TRDN: variants seen among roughly 807,000 people sequenced by gnomAD.
TRDN encodes triadin in skeletal muscle.
TRDN carries 161 observed loss-of-function variants against 149.7 expected under a neutral mutation model. That is an observed-to-expected ratio of 1.08 (90% CI 0.95 to 1.23). The LOEUF (loss-of-function observed/expected upper bound fraction) is 1.23. Ranked by LOEUF, TRDN falls within the 50% of genes most tolerant of loss-of-function variation. The probability of loss-of-function intolerance (pLI) is 0.00; values close to 1 mark genes in which losing one functional copy is unlikely to be tolerated. For missense variants in TRDN, 896 were observed against 823.5 expected (o/e 1.09, Z -1.08); for synonymous variants, 294 against 250.5 (o/e 1.17, Z -1.64).
At chr6:123,614,927 A>G (rs934147008) in intron 1 of TRDN, among the ~76,000 whole-genome samples, 1 of 152,202 alleles carries the variant, frequency 6.6e-6, no homozygotes, top group African/African-American at 2.4e-5. Context: ...TCCAGAATAT[A>G]CAAGAAACTC....
intron 21 of TRDN, among the ~76,000 whole-genome samples, chr6:123,338,195 T>G (rs1779944391): frequency 6.6e-6 from 1 of 152,084 alleles, no homozygotes; most frequent in African/African-American, 2.4e-5. Flanking sequence ...CAGTGAAGGA[T>G]GTAAGAAAGT....
At chr6:123,482,136 C>T (rs1347308948) in intron 9 of TRDN, among the ~76,000 whole-genome samples, 1 of 151,838 alleles carries the variant, frequency 6.6e-6, no homozygotes, top group Non-Finnish European at 1.5e-5. Flanking sequence ...ACAAGAAATT[C>T]AAAGAGACAT....
At chr6:123,449,303 T>G (rs1159792220) in intron 10 of TRDN, among the ~76,000 whole-genome samples, 1 of 151,958 alleles carries the variant, frequency 6.6e-6, no homozygotes, top group Non-Finnish European at 1.5e-5. Context: ...TGAAGCCCAG[T>G]GCAAGGAAAT....
intron 4 of TRDN, among the ~76,000 whole-genome samples, chr6:123,545,921 A>G (rs1227919884): frequency 6.6e-6 from 1 of 152,152 alleles, no homozygotes; most frequent in Non-Finnish European, 1.5e-5. Flanking sequence ...TTTATTAAAT[A>G]GTAAATATCA....
At chr6:123,255,943 T>C in intron 35 of TRDN, 41 bp from the exon 36 acceptor site, 2 of 1,147,364 alleles carry the variant, frequency 1.7e-6, no homozygotes, top group African/African-American at 1.6e-5. Flanking sequence ...TATTTTTTTA[T>C]TTATTTTTAA....
intron 12 of TRDN, among the ~76,000 whole-genome samples, chr6:123,396,568 G>A (rs975719468): frequency 2.6e-5 from 4 of 152,164 alleles, no homozygotes; most frequent in Admixed American, 6.5e-5. Flanking sequence ...AGATTAAAAT[G>A]TCAGCATAAT....
At chr6:123,374,406 A>T (rs990075238) in intron 19 of TRDN, among the ~76,000 whole-genome samples, 1 of 152,130 alleles carries the variant, frequency 6.6e-6, no homozygotes, top group Non-Finnish European at 1.5e-5. Flanking sequence ...TTGATTAAGC[A>T]TTTCTACAGA....
intron 23 of TRDN, among the ~76,000 whole-genome samples, chr6:123,318,131 C>G (rs1451555004): frequency 6.6e-6 from 1 of 151,910 alleles, no homozygotes; most frequent in East Asian, 1.9e-4. Flanking sequence ...ATACACAATT[C>G]TCTCTTTTGA....
intron 19 of TRDN, among the ~76,000 whole-genome samples, chr6:123,371,334 G>T (rs1423460765): frequency 1.3e-5 from 2 of 152,190 alleles, no homozygotes; most frequent in East Asian, 1.9e-4. Context: ...TGAAATGGCT[G>T]CTTTTTCTTA....
intron 12 of TRDN, among the ~76,000 whole-genome samples, chr6:123,428,168 T>C (rs1431171747): frequency 6.6e-6 from 1 of 152,174 alleles, no homozygotes; most frequent in Non-Finnish European, 1.5e-5. Flanking sequence ...AGCTCGAATG[T>C]TTTGGACAAA....
chr6:123,400,014 G>A (rs1772892218), intron 12 of TRDN, among the ~76,000 whole-genome samples: 1 of 151,660 alleles, frequency 6.6e-6, no homozygotes, highest in South Asian at 2.1e-4. Flanking sequence ...TAAATGTTAT[G>A]ATTTGGAAAA....
At chr6:123,336,680 T>C (rs1395662875) in intron 22 of TRDN, among the ~76,000 whole-genome samples, 1 of 151,838 alleles carries the variant, frequency 6.6e-6, no homozygotes, top group Non-Finnish European at 1.5e-5. Context: ...TCTGAATTAA[T>C]TACATCATAT....
chr6:123,228,844 G>C (rs1231844764), intron 38 of TRDN, among the ~76,000 whole-genome samples: 1 of 151,788 alleles, frequency 6.6e-6, no homozygotes, highest in Admixed American at 6.6e-5. Context: ...AGAAATGAAG[G>C]AGAAGGCATT....
chr6:123,480,445 G>A (rs1777698633), intron 9 of TRDN, among the ~76,000 whole-genome samples: 1 of 151,966 alleles, frequency 6.6e-6, no homozygotes, highest in African/African-American at 2.4e-5. Context: ...ATACAGAAGA[G>A]ATATCAGTTC....
intron 5 of TRDN, among the ~76,000 whole-genome samples, chr6:123,527,550 G>A (rs1780012726): frequency 6.6e-6 from 1 of 151,850 alleles, no homozygotes; most frequent in Admixed American, 6.6e-5. Flanking sequence ...GTTCTTGGAG[G>A]TAACTTGTAC....
intron 7 of TRDN, among the ~76,000 whole-genome samples, 200 bp downstream of exon 7, chr6:123,512,102 AT>A (rs1319129609): frequency 6.6e-6 from 1 of 150,760 alleles, no homozygotes; most frequent in Non-Finnish European, 1.5e-5. Flanking sequence ...GGAGCTCTTC[AT>A]TTTCCTCTCA....
At chr6:123,624,206 G>A (rs560977416) in intron 1 of TRDN, among the ~76,000 whole-genome samples, 1 of 152,082 alleles carries the variant, frequency 6.6e-6, no homozygotes, top group Non-Finnish European at 1.5e-5. Context: ...ACAGGTAAAT[G>A]ACAGAGTGAT....
At chr6:123,520,337 G>T (rs1438421550) in intron 5 of TRDN, among the ~76,000 whole-genome samples, 33 of 152,086 alleles carry the variant, frequency 2.2e-4, no homozygotes, top group Admixed American at 2.2e-3. Flanking sequence ...GAACTTCTTT[G>T]TCTGTGGATA....
chr6:123,558,034 A>G (rs970398826), intron 2 of TRDN, among the ~76,000 whole-genome samples: 100 of 152,196 alleles, frequency 6.6e-4, no homozygotes, highest in African/African-American at 2.3e-3. Flanking sequence ...AGAAAACAGC[A>G]CTTTCGACTT....
Sources: gnomAD v4.1 joint callset for allele counts (sites outside exome capture counted in the v4.1 genomes callset) on GRCh38, gnomAD v4.1.1 for gene constraint, MANE v1.5 for transcripts, NCBI Gene and HGNC (gene_info 2026-07-23, HGNC 2026-07-21) for gene names.